PAG1: variants seen among roughly 807,000 people sequenced by gnomAD.
The protein encoded by PAG1 is phosphoprotein membrane anchor with glycosphingolipid microdomains 1.
A neutral mutation model predicts 31.7 loss-of-function variants in PAG1; 23 were observed. That is an observed-to-expected ratio of 0.73 (90% CI 0.52 to 1.03). The LOEUF is 1.03. Ranked by LOEUF, PAG1 falls within the 50% of genes least tolerant of loss-of-function variation. PAG1 has a pLI of 0.00. For synonymous variants in PAG1, 214 were observed against 210.3 expected, an observed-to-expected ratio of 1.02 and a Z score of -0.15; for missense variants, 473 against 540.7, an observed-to-expected ratio of 0.87 and a Z score of 1.24.
chr8:81,083,579 G>A (rs1809303516), intron 1 of PAG1, among the ~76,000 whole-genome samples: 1 of 152,056 alleles, frequency 6.6e-6, no homozygotes, highest in African/African-American at 2.4e-5. Flanking sequence ...TTTCTGTGGG[G>A]CTTGGCTAGA....
At chr8:81,038,196 TCCCTTTCC>T (rs1363356005) in intron 2 of PAG1, among the ~76,000 whole-genome samples, 1 of 152,164 alleles carries the variant, frequency 6.6e-6, no homozygotes, top group Non-Finnish European at 1.5e-5. Flanking sequence ...AAGAAAGACT[TCCCTTTCC>T]CCAGGAAGCC....
chr8:81,111,120 A>C (rs974772124), intron 1 of PAG1, among the ~76,000 whole-genome samples: 1 of 152,232 alleles, frequency 6.6e-6, no homozygotes, highest in African/African-American at 2.4e-5. Flanking sequence ...CTAGGCTCCA[A>C]TTATGAAAAG....
chr8:81,028,752 A>C (rs758452511), intron 3 of PAG1, among the ~76,000 whole-genome samples: 3 of 152,222 alleles, frequency 2.0e-5, no homozygotes, highest in Non-Finnish European at 4.4e-5. Context: ...CCCATTCTGT[A>C]CGCACAGCAC....
intron 1 of PAG1, among the ~76,000 whole-genome samples, chr8:81,102,664 T>C (rs764531247): frequency 7.9e-4 from 120 of 152,224 alleles, no homozygotes; most frequent in Non-Finnish European, 1.6e-4. Context: ...TAACAGCTAA[T>C]ATCTGCTTCA....
intron 1 of PAG1, among the ~76,000 whole-genome samples, chr8:81,103,521 T>C (rs182184248): frequency 6.6e-6 from 1 of 152,280 alleles, no homozygotes; most frequent in East Asian, 1.9e-4. Flanking sequence ...AGGACAAACG[T>C]TTGAGGACTG....
chr8:81,082,244 C>G (rs1809279435), intron 1 of PAG1, among the ~76,000 whole-genome samples: 1 of 119,996 alleles, frequency 8.3e-6, no homozygotes, highest in African/African-American at 3.5e-5. Flanking sequence ...CAGAGTGAGA[C>G]TCTGTCTCAA....
chr8:81,093,246 T>C (rs1809476122), intron 1 of PAG1, among the ~76,000 whole-genome samples: 1 of 152,124 alleles, frequency 6.6e-6, no homozygotes, highest in African/African-American at 2.4e-5. Flanking sequence ...GAATCCAGGA[T>C]GCAGCTAGAA....
intron 7 of PAG1, 138 bp downstream of exon 7, chr8:80,984,638 A>T: frequency 1.3e-6 from 1 of 763,500 alleles, no homozygotes; most frequent in Non-Finnish European, 2.1e-6. Flanking sequence ...AGCCAAACAC[A>T]GCTTACATGA....
chr8:81,103,749 C>T (rs1363036813), intron 1 of PAG1, among the ~76,000 whole-genome samples: 1 of 152,118 alleles, frequency 6.6e-6, no homozygotes, highest in Non-Finnish European at 1.5e-5. Context: ...AACATTATGG[C>T]CATGATAAAA....
intron 7 of PAG1, among the ~76,000 whole-genome samples, chr8:80,982,449 G>T (rs1359188196): frequency 6.6e-6 from 1 of 152,052 alleles, no homozygotes; most frequent in African/African-American, 2.4e-5. Flanking sequence ...GGTCTCTTCT[G>T]CTGGTTCCTT....
chr8:81,003,486 A>G (rs189252097), intron 3 of PAG1, among the ~76,000 whole-genome samples: 11 of 152,280 alleles, frequency 7.2e-5, no homozygotes, highest in Admixed American at 5.2e-4. Flanking sequence ...TGATTCCCTT[A>G]AAGGAACTTG....
Position 81,014,009 on chromosome 8 carries a change from T to A in PAG1, c.-81+15987A>T, listed in dbSNP as rs145793569. On this transcript the variant is annotated intron_variant, in intron 3 of 8. Coordinates refer to ENST00000220597, the MANE Select transcript of PAG1 (RefSeq NM_018440.4). ...CTAGTTCCACATATTTGCATTGACA[T>A]TTTATTTACTAAAAAATCATTGCGG... Among the ~76,000 whole-genome samples the A allele has an allele frequency of 4.9e-4, 74 of 152,334 alleles. 1 individual carries two copies. Among genetic ancestry groups the A allele is most frequent in the African/African-American group, 1.6e-3 (68 of 41,572 alleles).
At chr8:80,983,500 C>A (rs1807349701) in intron 7 of PAG1, among the ~76,000 whole-genome samples, 1 of 152,162 alleles carries the variant, frequency 6.6e-6, no homozygotes, top group African/African-American at 2.4e-5. Context: ...TTATTAAGAT[C>A]TTTTGTTAAA....
intron 2 of PAG1, among the ~76,000 whole-genome samples, chr8:81,045,702 C>G (rs1808630479): frequency 6.6e-6 from 1 of 152,194 alleles, no homozygotes; most frequent in Admixed American, 6.5e-5. Flanking sequence ...GATACTATAT[C>G]TCAATAAGTT....
At chr8:80,985,426 A>T (rs1807398853) in intron 6 of PAG1, 49 bp from the exon 7 acceptor site, 1 of 1,536,542 alleles carries the variant, frequency 6.5e-7, no homozygotes, top group African/African-American at 1.4e-5. Flanking sequence ...TCTTTCAATA[A>T]TTATTACCGA....
intron 1 of PAG1, among the ~76,000 whole-genome samples, chr8:81,090,979 T>C (rs1050599387): frequency 2.6e-5 from 4 of 152,202 alleles, no homozygotes; most frequent in South Asian, 2.1e-4. Context: ...ATTGATAATA[T>C]AGTCCTAGCC....
At chr8:80,981,166 C>T (rs1009492720) in intron 7 of PAG1, among the ~76,000 whole-genome samples, 1 of 152,084 alleles carries the variant, frequency 6.6e-6, no homozygotes, top group African/African-American at 2.4e-5. Flanking sequence ...GGCTGCACCC[C>T]AGGCCTTTCT....
chr8:81,102,288 A>T (rs1475574240), intron 1 of PAG1, among the ~76,000 whole-genome samples: 1 of 152,186 alleles, frequency 6.6e-6, no homozygotes, highest in African/African-American at 2.4e-5. Context: ...ATTCAGAACT[A>T]AGATAGCTGC....
At chr8:81,099,788 G>A (rs890982056) in intron 1 of PAG1, among the ~76,000 whole-genome samples, 2 of 152,224 alleles carry the variant, frequency 1.3e-5, no homozygotes, top group Non-Finnish European at 2.9e-5. Flanking sequence ...AAGCTGAATT[G>A]TGGTGACAGT....
Sources: gnomAD v4.1 joint callset for allele counts (sites outside exome capture counted in the v4.1 genomes callset) on GRCh38, gnomAD v4.1.1 for gene constraint, MANE v1.5 for transcripts, NCBI Gene and HGNC (gene_info 2026-07-23, HGNC 2026-07-21) for gene names.